The following NDUFAF6 variants were observed in gnomAD, a reference collection of about 807,000 sequenced individuals.
NDUFAF6 encodes NADH dehydrogenase (ubiquinone) complex I, assembly factor 6.
In NDUFAF6, 45 loss-of-function variants were observed where a neutral mutation model predicts 40.8. The observed-to-expected ratio is 1.10, with a 90% CI of 0.87 to 1.42. The LOEUF is 1.42. Among genes scored for constraint, NDUFAF6 ranks in the 40% most tolerant of loss-of-function variants. The pLI, the probability that NDUFAF6 is intolerant of heterozygous loss-of-function variation, is 0.00. For synonymous variants in NDUFAF6, 185 were observed against 155.9 expected (o/e 1.19, Z -1.39); for missense variants, 435 against 418.5 (o/e 1.04, Z -0.34).
chr8:95,016,738 C>T (rs969929036), intron 2 of NDUFAF6, among the ~76,000 whole-genome samples: 4 of 152,054 alleles, frequency 2.6e-5, no homozygotes, highest in Non-Finnish European at 5.9e-5. Context: ...GAGACTCCAT[C>T]TCAAAAAAAC....
intron 2 of NDUFAF6, among the ~76,000 whole-genome samples, chr8:95,084,098 T>C (rs1808965150): frequency 6.6e-6 from 1 of 152,298 alleles, no homozygotes; most frequent in African/African-American, 2.4e-5. Flanking sequence ...AATTCATTCT[T>C]CCTATATTTA....
chr8:95,053,787 G>C (rs1458165147), intron 8 of NDUFAF6, among the ~76,000 whole-genome samples: 3 of 151,650 alleles, frequency 2.0e-5, no homozygotes, highest in African/African-American at 7.3e-5. Flanking sequence ...CACCATGCCT[G>C]GCTGATTTTT....
chr8:94,958,857 T>C (rs1401744526), intron 1 of NDUFAF6, among the ~76,000 whole-genome samples: 1 of 152,104 alleles, frequency 6.6e-6, no homozygotes, highest in African/African-American at 2.4e-5. Flanking sequence ...CTTCAACATA[T>C]GAATTTGCGA....
chr8:94,930,985 C>T (rs1373581586), intron 1 of NDUFAF6, among the ~76,000 whole-genome samples: 4 of 152,298 alleles, frequency 2.6e-5, no homozygotes, highest in African/African-American at 9.6e-5. Context: ...TCTAAAAATA[C>T]ACTTTAAACT....
chr8:95,000,844 C>T (rs555998513), intron 2 of NDUFAF6, among the ~76,000 whole-genome samples: 108 of 151,532 alleles, frequency 7.1e-4, no homozygotes, highest in African/African-American at 2.5e-3. Context: ...GGCTGAGGCA[C>T]AAGAATGGCT....
intron 2 of NDUFAF6, among the ~76,000 whole-genome samples, chr8:95,089,041 C>T (rs1809157560): frequency 6.6e-6 from 1 of 151,998 alleles, no homozygotes; most frequent in South Asian, 2.1e-4. Context: ...GAATTACAGG[C>T]ATGAGCCACC....
rs991833361 is a variant in NDUFAF6, at chr8:94,918,105, T to A, written c.-936+22178T>A. ...AATATTTGTAATTTTTTTTCCAGAA[T>A]GAAATTCTGCCTGACTTTTAAAACT... is the stretch of plus-strand genomic sequence containing the variant. On this transcript the variant is annotated intron_variant, in intron 1 of 14. Coordinates refer to the NDUFAF6 transcript ENST00000396113. Among the ~76,000 whole-genome samples the A allele has an allele frequency of 1.4e-4, 22 of 152,186 alleles. 1 individual carries two copies. Among genetic ancestry groups the A allele is most frequent in the African/African-American group, 5.1e-4 (21 of 41,454 alleles).
intron 2 of NDUFAF6, chr8:95,101,359 ACTTGGTTGCAATTCCCACC>A (rs1012371401): frequency 6.6e-6 from 1 of 152,204 alleles, no homozygotes; most frequent in African/African-American, 2.4e-5. Flanking sequence ...TTTATTGGTT[ACTTGGTTGCAATTCCCACC>A]CAATGCAATC....
At chr8:95,105,058 CACACACACAGAGAGAGAGAGAGAG>C (rs1321047879), downstream of NDUFAF6, among the ~76,000 whole-genome samples, 6 of 62,338 alleles carry the variant, frequency 9.6e-5, no homozygotes, top group African/African-American at 3.8e-4. Context: ...CACACACACA[CACACACACAGAGAGAGAGAGAGAG>C]AGAGAGAGAG....
upstream of NDUFAF6, among the ~76,000 whole-genome samples, chr8:95,096,154 G>A (rs934526286): frequency 2.6e-5 from 4 of 152,154 alleles, no homozygotes; most frequent in East Asian, 1.9e-4. Flanking sequence ...ACAAGGAGTC[G>A]AATCAGGATG....
intron 8 of NDUFAF6, among the ~76,000 whole-genome samples, chr8:95,054,627 GT>G (rs1018142286): frequency 6.6e-6 from 1 of 151,748 alleles, no homozygotes; most frequent in Non-Finnish European, 1.5e-5. Flanking sequence ...TAGAGGAGGG[GT>G]TTCCCCATGT....
chr8:94,969,220 G>A (rs1824265765), intron 1 of NDUFAF6, among the ~76,000 whole-genome samples: 1 of 152,190 alleles, frequency 6.6e-6, no homozygotes, highest in African/African-American at 2.4e-5. Context: ...GGAGCACCTG[G>A]AACCTTTGGA....
intron 1 of NDUFAF6, among the ~76,000 whole-genome samples, chr8:94,934,314 T>G (rs1820752480): frequency 6.6e-6 from 1 of 151,806 alleles, no homozygotes; most frequent in African/African-American, 2.4e-5. Context: ...AGCTGCTGAC[T>G]ACACACACAC....
At chr8:95,082,087 A>C (rs1368870756) in intron 2 of NDUFAF6, among the ~76,000 whole-genome samples, 3 of 152,194 alleles carry the variant, frequency 2.0e-5, no homozygotes, top group African/African-American at 4.8e-5. Flanking sequence ...AAAAAAAAAA[A>C]AACTCCTGTT....
At chr8:95,075,684 C>G (rs1255018672) in exon 10 of NDUFAF6, 1 of 1,288,258 alleles carries the variant, frequency 7.8e-7, no homozygotes, top group Admixed American at 2.3e-5. Flanking sequence ...GCCAGCCAGC[C>G]TGGGAAAATG....
At chr8:95,047,247 A>G (rs1317701665) in intron 6 of NDUFAF6, 120 bp downstream of exon 6, 2 of 1,379,140 alleles carry the variant, frequency 1.5e-6, no homozygotes, top group African/African-American at 2.9e-5. Context: ...CTTATTGCTT[A>G]CTAAAAATGG....
chr8:95,010,751 TA>T (rs1827193642), intron 2 of NDUFAF6, among the ~76,000 whole-genome samples: 1 of 152,160 alleles, frequency 6.6e-6, no homozygotes. Context: ...CTACTAGTGT[TA>T]AAGTTTAGCA....
chr8:95,027,737 A>T (rs1467042548), intron 1 of NDUFAF6, among the ~76,000 whole-genome samples: 2 of 152,224 alleles, frequency 1.3e-5, no homozygotes, highest in African/African-American at 4.8e-5. Context: ...AAATAAAAAT[A>T]AACTTGAAAT....
At position 95,086,133 on chromosome 8, in the gene NDUFAF6, C is replaced by T. The variant is rs557240066; in HGVS notation, n.213+10381C>T. 3.5e-4 allele frequency among the ~76,000 whole-genome samples: 53 copies of T among 152,270 alleles called. 1 individual carries two copies. Among genetic ancestry groups the T allele is most frequent in the African/African-American group, 9.6e-4 (40 of 41,526 alleles). ...GGGTTATGGTGAGAATCCAGAATAACGTCCTGTCTACCCATGGCCAAAACA... is the reference window on the plus strand; with the variant it reads ...GGGTTATGGTGAGAATCCAGAATAATGTCCTGTCTACCCATGGCCAAAACA... On this transcript the variant is annotated intron_variant and non_coding_transcript_variant, in intron 2 of 5. Coordinates refer to the NDUFAF6 transcript ENST00000523184.
Sources: allele counts gnomAD v4.1 joint callset (sites outside exome capture counted in the v4.1 genomes callset), GRCh38; gene constraint gnomAD v4.1.1; transcripts MANE v1.5; gene names NCBI Gene and HGNC (gene_info 2026-07-23, HGNC 2026-07-21).